The following ADGB variants were observed in gnomAD, a reference collection of about 807,000 sequenced individuals.
The protein encoded by ADGB is androglobin.
Under a neutral mutation model 210.5 loss-of-function variants are expected in ADGB, and 172 were observed. The observed-to-expected ratio is 0.82, with a 90% CI of 0.72 to 0.93. The LOEUF is 0.93. Among genes scored for constraint, ADGB ranks in the 40% least tolerant of loss-of-function variants. The pLI is 0.00. For synonymous variants in ADGB, 658 were observed against 662.7 expected (o/e 0.99, Z 0.11); for missense variants, 2,025 against 1,964.8 (o/e 1.03, Z -0.58).
chr6:146,807,613 C>T, intron 35 of ADGB: 2 of 1,501,012 alleles, frequency 1.3e-6, no homozygotes, highest in Non-Finnish European at 1.8e-6. Context: ...TACCACCCTG[C>T]TTCTGGAGAG....
intron 1 of ADGB, among the ~76,000 whole-genome samples, chr6:146,607,418 T>A (rs1780647752): frequency 6.6e-6 from 1 of 152,216 alleles, no homozygotes; most frequent in South Asian, 2.1e-4. Flanking sequence ...TGGCTAGGAC[T>A]TCCAGAGTGA....
rs1776478666 is a variant in ADGB, at chr6:146,700,793, T to C, written c.1578-148T>C. 16 of 868,968 alleles carry C rather than the reference T, an allele frequency of 1.8e-5. 1 individual carries two copies. The South Asian group carries it at 2.5e-4, about 14-fold the overall frequency. 53.8% of individuals were successfully genotyped at this position (868,968 alleles called of 1,614,324 possible). The stretch of plus-strand genomic sequence containing the variant: ...AGATATCCAATGTTTTAACATGAGG[T>C]AAAAAACATTACTGGTAGTAAAAGA... On this transcript the variant is annotated intron_variant, in intron 12 of 35. Transcript: ENST00000397944.
At chr6:146,633,174 G>T (rs943515551) in intron 1 of ADGB, among the ~76,000 whole-genome samples, 1 of 151,972 alleles carries the variant, frequency 6.6e-6, no homozygotes, top group African/African-American at 2.4e-5. Flanking sequence ...GTCTTCTGTC[G>T]ATAAGGAAAT....
chr6:146,624,931 T>A (rs1037892427), intron 1 of ADGB, among the ~76,000 whole-genome samples: 27 of 152,054 alleles, frequency 1.8e-4, no homozygotes, highest in Admixed American at 1.6e-3. Flanking sequence ...GGTCAGAGAA[T>A]GTACTTTGTG....
chr6:146,813,063 T>C (rs544475881), intron 35 of ADGB, among the ~76,000 whole-genome samples: 1 of 152,332 alleles, frequency 6.6e-6, no homozygotes, highest in East Asian at 1.9e-4. Flanking sequence ...GATTTCCCAA[T>C]GACCTGTCTC....
chr6:146,650,247 T>C (rs1003577367), intron 3 of ADGB, among the ~76,000 whole-genome samples: 1 of 152,150 alleles, frequency 6.6e-6, no homozygotes, highest in Non-Finnish European at 1.5e-5. Context: ...TGTTTACATT[T>C]TAGCCAAAAC....
chr6:146,612,965 T>C (rs991213555), intron 1 of ADGB, among the ~76,000 whole-genome samples: 40 of 152,240 alleles, frequency 2.6e-4, no homozygotes, highest in African/African-American at 9.2e-4. Context: ...TCCATCCATA[T>C]CTATGAAGCC....
chr6:146,696,124 A>T (rs1776398845), intron 12 of ADGB, among the ~76,000 whole-genome samples: 3 of 150,412 alleles, frequency 2.0e-5, no homozygotes, highest in Admixed American at 1.3e-4. Flanking sequence ...TGCCCAGGCT[A>T]GAGTGCAGTG....
At chr6:146,770,466 T>A (rs1300332405) in intron 29 of ADGB, 1 of 349,018 alleles carries the variant, frequency 2.9e-6, no homozygotes, top group African/African-American at 2.1e-5. Context: ...GGCATCGCAC[T>A]GTGCGGCCTC....
At chr6:146,790,373 C>T (rs955481599) in intron 33 of ADGB, among the ~76,000 whole-genome samples, 2 of 152,112 alleles carry the variant, frequency 1.3e-5, no homozygotes, top group African/African-American at 4.8e-5. Flanking sequence ...CCTCTGGTAA[C>T]CACCATCCTA....
Position 146,782,037 on chromosome 6 carries a change from G to T in ADGB, c.3880G>T (p.Glu1294Ter). 1 of 1,494,152 alleles carries T rather than the reference G, an allele frequency of 6.7e-7. No individual in the cohort carries two copies. Among genetic ancestry groups the T allele is most frequent in the Non-Finnish European group, 8.9e-7 (1 of 1,126,586 alleles). The allele number at this position is 1,494,152 out of a possible 1,614,324, so 92.6% of individuals were successfully genotyped here. A position where few individuals can be genotyped will look rare whatever the true frequency, so the allele number is the denominator to read the frequency against. ...SNTKAYGERHEELINLGSPDS... is the reference protein window; with the variant it reads ...SNTKAYGERH Reference sequence around the variant, plus strand: ...CTCTCTAGCTTATGGTGAAAGACACGAGGAGTTAATTAACTTAGGAAGCCC... The same window carrying T: ...CTCTCTAGCTTATGGTGAAAGACACTAGGAGTTAATTAACTTAGGAAGCCC... Residue 1294 changes from glutamate (E) to a stop codon, truncating the protein, a stop_gained, in exon 30 of 36, where the codon GAG becomes TAG. Transcript: ENST00000397944. LOFTEE classifies it high-confidence loss of function.
At chr6:146,643,585 C>T (rs1374692727) in intron 2 of ADGB, among the ~76,000 whole-genome samples, 3 of 151,720 alleles carry the variant, frequency 2.0e-5, no homozygotes, top group Admixed American at 1.3e-4. Flanking sequence ...TCTGAGAGTA[C>T]GCATTTGGAT....
intron 35 of ADGB, among the ~76,000 whole-genome samples, chr6:146,805,232 C>T (rs1046557521): frequency 6.6e-6 from 1 of 152,166 alleles, no homozygotes; most frequent in African/African-American, 2.4e-5. Context: ...TTCATTTGCA[C>T]TCACATTTCA....
intron 28 of ADGB, among the ~76,000 whole-genome samples, chr6:146,767,260 TAA>T (rs1222065404): frequency 6.6e-6 from 1 of 152,150 alleles, no homozygotes; most frequent in Non-Finnish European, 1.5e-5. Flanking sequence ...ACAAAATAAT[TAA>T]AAGATTATTC....
At chr6:146,679,960 A>C (rs1583587121) in intron 9 of ADGB, among the ~76,000 whole-genome samples, 1 of 152,204 alleles carries the variant, frequency 6.6e-6, no homozygotes, top group Admixed American at 6.5e-5. Context: ...GTACTCTAGT[A>C]TAGAGTTCAG....
At chr6:146,711,790 T>G (rs1254819740) in intron 13 of ADGB, among the ~76,000 whole-genome samples, 1 of 152,034 alleles carries the variant, frequency 6.6e-6, no homozygotes, top group Non-Finnish European at 1.5e-5. Context: ...AGCATGTTGG[T>G]AGGCTGAGGC....
intron 33 of ADGB, among the ~76,000 whole-genome samples, chr6:146,791,179 G>A (rs1256064236): frequency 1.3e-5 from 2 of 152,074 alleles, no homozygotes; most frequent in Non-Finnish European, 2.9e-5. Flanking sequence ...GCACAGCAAA[G>A]GTTTTTAGTT....
chr6:146,796,131 C>G (rs1778037103), intron 33 of ADGB, among the ~76,000 whole-genome samples: 1 of 152,042 alleles, frequency 6.6e-6, no homozygotes, highest in Non-Finnish European at 1.5e-5. Context: ...AGGAATTTAC[C>G]TAACCAAGGA....
intron 8 of ADGB, among the ~76,000 whole-genome samples, chr6:146,674,271 C>A (rs911137723): frequency 2.0e-5 from 3 of 151,718 alleles, no homozygotes; most frequent in African/African-American, 7.3e-5. Flanking sequence ...CCTTGAAGAA[C>A]AGGAAATTGC....
Sources: gnomAD v4.1 joint callset for allele counts (sites outside exome capture counted in the v4.1 genomes callset) on GRCh38, gnomAD v4.1.1 for gene constraint, MANE v1.5 for transcripts, NCBI Gene and HGNC (gene_info 2026-07-23, HGNC 2026-07-21) for gene names.